RND3: variants seen among roughly 807,000 people sequenced by gnomAD.
The protein encoded by RND3 is rho-related GTP-binding protein RhoE.
Under a neutral mutation model 26.5 loss-of-function variants are expected in RND3, and 8 were observed. That is an observed-to-expected ratio of 0.30 (90% CI 0.18 to 0.54). RND3 has a LOEUF of 0.54. RND3 is among the 20% of genes least tolerant of loss of function. The pLI is 0.94. For missense variants in RND3, 207 were observed against 302.8 expected, an observed-to-expected ratio of 0.68 and a Z score of 2.35; for synonymous variants, 113 against 113.0, an observed-to-expected ratio of 1.00 and a Z score of 0.00.
At chr2:150,476,623 G>A (rs182718591) in intron 3 of RND3, among the ~76,000 whole-genome samples, 4 of 152,310 alleles carry the variant, frequency 2.6e-5, no homozygotes, top group Non-Finnish European at 4.4e-5. Context: ...CAGGACCCTG[G>A]TAGAGCAGAG....
chr2:150,479,405 A>C (rs1310171196), intron 3 of RND3, among the ~76,000 whole-genome samples: 1 of 152,194 alleles, frequency 6.6e-6, no homozygotes, highest in East Asian at 1.9e-4. Context: ...CAGTTTAAAC[A>C]CTGTGAGGCT....
In RND3 at chr2:150,486,812, G is replaced by C. The variant is rs1205743816; in HGVS notation, c.151-31C>G. ...TAGACAAAATGGGCAAAAGAGGAAGGAAAGAGGGCAAAGAGGTTACGTTTA... is the reference window on the plus strand; with the variant it reads ...TAGACAAAATGGGCAAAAGAGGAAGCAAAGAGGGCAAAGAGGTTACGTTTA... On this transcript the variant is annotated intron_variant, in intron 2 of 5. Transcript: ENST00000263895. The surrounding 1 kb of genome is among the most constrained non-coding windows in gnomAD (Gnocchi z 4.5). The C allele has an allele frequency of 2.0e-6, 3 of 1,489,558 alleles. No individual in the cohort carries two copies. Among genetic ancestry groups the C allele is most frequent in the Non-Finnish European group, 2.8e-6 (3 of 1,066,420 alleles). 92.3% of individuals were successfully genotyped at this position (1,489,558 alleles called of 1,614,324 possible).
At chr2:150,487,517 T>C (rs1686408581) in intron 1 of RND3, 32 bp downstream of exon 1, 1 of 317,292 alleles carries the variant, frequency 3.2e-6, no homozygotes, top group African/African-American at 2.3e-5. Flanking sequence ...AAAAAGCAGA[T>C]ATAAAAATAA....
Position 150,469,822 on chromosome 2 carries a change from C to T in RND3, c.*165G>A. 1.4e-6 allele frequency: 1 copy of T among 698,532 alleles called. No homozygotes were observed. The highest frequency in any genetic ancestry group is 2.3e-6 in the Non-Finnish European group (1 of 427,326). The allele number at this position is 698,532 out of a possible 1,614,324, so 43.3% of individuals were successfully genotyped here. ...CACTTCTCATCACTTGGTCTACATG[C>T]CGAACCTAAGGTCAGGATTCCAAAA... On this transcript the variant is annotated 3_prime_UTR_variant, in exon 6 of 6. Transcript: ENST00000263895.
Position 150,486,784 on chromosome 2 carries a change from G to A in RND3, c.151-3C>T. ...TCAAACACTGTAGGAACGTAATTCT[G>A]GATAGACAAAATGGGCAAAAGAGGA... On this transcript the variant is annotated splice_region_variant and splice_polypyrimidine_tract_variant and intron_variant, in intron 2 of 5. Transcript: ENST00000263895. This position sits in a 1 kb window ranked among gnomAD's most constrained non-coding sequence, Gnocchi z 4.5. The A allele has an allele frequency of 6.2e-7, 1 of 1,607,062 alleles. No individual in the cohort carries two copies. Among genetic ancestry groups the A allele is most frequent in the Non-Finnish European group, 8.5e-7 (1 of 1,173,614 alleles).
At chr2:150,481,543 T>A (rs1342051578) in intron 3 of RND3, among the ~76,000 whole-genome samples, 1 of 152,232 alleles carries the variant, frequency 6.6e-6, no homozygotes, top group Non-Finnish European at 1.5e-5. Context: ...TTTCACCATG[T>A]CTGTCTTATC....
rs959552606 is a variant in RND3, at chr2:150,471,754, C to A, written c.356G>T (p.Gly119Val). The change falls in exon 5 of 6, where the codon GGT becomes GTT. Residue 119 changes from glycine to valine, a missense_variant. By Grantham distance (109) the Gly-to-Val change is moderately radical. Coordinates refer to ENST00000263895, the MANE Select transcript of RND3 (RefSeq NM_005168.5). ...ATTTGGACAAAATTCCTGGATTTCA[C>A]CTTTCCACTATGAAAGAAAAAAAAA... ...TLDSVLKKWKGEIQEFCPNTK... is the reference protein window; with the variant it reads ...TLDSVLKKWKVEIQEFCPNTK... 1.9e-6 allele frequency: 3 copies of A among 1,584,780 alleles called. No homozygotes were observed. The highest frequency in any genetic ancestry group is 1.5e-5 in the African/African-American group (1 of 66,320).
Position 150,470,087 on chromosome 2 carries a change from C to T in RND3, c.635G>A (p.Arg212Lys), listed in dbSNP as rs1686059248. ...CATGTGTGAAATCCGCTTTGTGGCT[C>T]TCTGTGATTTGTTCCGCTTAACGTT... ...NKNVKRNKSQ[R>K]ATKRISHMPS... Residue 212 changes from arginine to lysine, a missense_variant, in exon 6 of 6, where the codon AGA becomes AAA. By Grantham distance (26) the Arg-to-Lys change is conservative. Transcript: ENST00000263895. 1.2e-6 allele frequency: 2 copies of T among 1,614,052 alleles called. No individual in the cohort carries two copies. Among genetic ancestry groups the T allele is most frequent in the East Asian group, 4.5e-5 (2 of 44,878 alleles).
chr2:150,473,299 T>C (rs1686115958), intron 4 of RND3, among the ~76,000 whole-genome samples: 1 of 152,200 alleles, frequency 6.6e-6, no homozygotes, highest in Non-Finnish European at 1.5e-5. Flanking sequence ...TTAATATCTA[T>C]AAGCCCAAAG....
intron 3 of RND3, among the ~76,000 whole-genome samples, chr2:150,483,721 G>T (rs967830653): frequency 5.9e-5 from 9 of 152,188 alleles, no homozygotes; most frequent in Non-Finnish European, 1.2e-4. Flanking sequence ...AATGGTTCCT[G>T]CTAGATATAA....
rs1223888524 is a variant in RND3 at position 150,471,629 on chromosome 2, G to C, written c.481C>G (p.Gln161Glu). 6.2e-7 allele frequency: 1 copy of C among 1,609,284 alleles called. No homozygotes were observed. The highest frequency in any genetic ancestry group is 8.5e-7 in the Non-Finnish European group (1 of 1,178,172). ...NHRQTPVSYD[Q>E]GANMAKQIGA... ...TTGCACATGGGCAACATACATACCT[G>C]GTCATAGGACACTGGCGTCTGCCTG... Residue 161 changes from glutamine to glutamate, a missense_variant and splice_region_variant, in exon 5 of 6, where the codon CAG (glutamine) becomes GAG (glutamate). Physicochemically the swap from Gln to Glu is conservative, Grantham distance 29. Transcript: ENST00000263895.
At chr2:150,483,853 T>C (rs1686316099) in intron 3 of RND3, among the ~76,000 whole-genome samples, 1 of 152,200 alleles carries the variant, frequency 6.6e-6, no homozygotes, top group African/African-American at 2.4e-5. Context: ...TCTAAATAAT[T>C]CCCTTATGCC....
At chr2:150,474,764 C>T in intron 4 of RND3, 111 bp downstream of exon 4, 1 of 555,674 alleles carries the variant, frequency 1.8e-6, no homozygotes, top group Non-Finnish European at 3.2e-6. Flanking sequence ...TGTTTAATTA[C>T]AAATTGTAAG....
At chr2:150,475,500 G>C (rs1558870005) in intron 3 of RND3, among the ~76,000 whole-genome samples, 1 of 152,202 alleles carries the variant, frequency 6.6e-6, no homozygotes, top group African/African-American at 2.4e-5. Flanking sequence ...GCTGTTAAAA[G>C]CTGAGTGGTA....
chr2:150,474,938 C>T lies in RND3; in HGVS notation c.285G>A (p.Ser95=), dbSNP rs780490698. ...DNVRPLSYPD[S]DAVLICFDIS... ...TGTCAAAGCAAATCAGCACAGCATC[C>T]GAATCAGGGTAAGAGAGGGGGCGGA... The change falls in exon 4 of 6, where the codon TCG becomes TCA. Residue 95 remains serine (S), a synonymous_variant. Transcript: ENST00000263895. 5.0e-6 allele frequency: 8 copies of T among 1,613,292 alleles called. 1 individual carries two copies. The highest frequency in any genetic ancestry group is 2.7e-5 in the African/African-American group (2 of 74,856).
At position 150,487,029 on chromosome 2, in the gene RND3, C is replaced by A. The variant is rs866569512; in HGVS notation, c.150+239G>T. 6 of 603,674 alleles carry A rather than the reference C, an allele frequency of 9.9e-6. No individual in the cohort carries two copies. The African/African-American group carries it at 1.1e-4, about 11-fold the overall frequency. The allele number at this position is 603,674 out of a possible 1,614,324, so 37.4% of individuals were successfully genotyped here. ...CAACCCCAGGTTATGCACACAGGAACGAACAAGTTTCAGGAGCTAACCAGC... is the reference window on the plus strand; with the variant it reads ...CAACCCCAGGTTATGCACACAGGAAAGAACAAGTTTCAGGAGCTAACCAGC... On this transcript the variant is annotated intron_variant, in intron 2 of 5. Transcript: ENST00000263895.
intron 3 of RND3, 160 bp from the exon 4 acceptor site, chr2:150,475,144 C>A: frequency 1.8e-6 from 1 of 561,780 alleles, no homozygotes; most frequent in Non-Finnish European, 3.2e-6. Flanking sequence ...CACACAAAAG[C>A]CTGCTTAGAA....
At chr2:150,475,476 A>G (rs891224817) in intron 3 of RND3, among the ~76,000 whole-genome samples, 1 of 152,200 alleles carries the variant, frequency 6.6e-6, no homozygotes, top group Non-Finnish European at 1.5e-5. Context: ...TATGGGCATT[A>G]TGGTTGTATT....
chr2:150,475,144 C>T (rs1686144562), intron 3 of RND3, 160 bp from the exon 4 acceptor site: 2 of 561,662 alleles, frequency 3.6e-6, no homozygotes, highest in African/African-American at 1.9e-5. Context: ...CACACAAAAG[C>T]CTGCTTAGAA....
Sources: gnomAD v4.1 joint callset for allele counts (sites outside exome capture counted in the v4.1 genomes callset) on GRCh38, gnomAD v4.1.1 for gene constraint, Gnocchi (gnomAD v3.1) non-coding constraint, MANE v1.5 for transcripts, NCBI Gene and HGNC (gene_info 2026-07-23, HGNC 2026-07-21) for gene names.